Variants in PTPMT1 observed in about 807,000 individuals in gnomAD.
PTPMT1 encodes the protein protein tyrosine phosphatase mitochondrial 1, also known as phosphatidylglycerophosphatase and protein-tyrosine phosphatase 1.
PTPMT1 carries 12 observed loss-of-function variants against 17.8 expected under a neutral mutation model. That is an observed-to-expected ratio of 0.67 (90% CI 0.43 to 1.09). PTPMT1 has a LOEUF of 1.09. Among genes scored for constraint, PTPMT1 ranks in the 50% least tolerant of loss-of-function variants. The pLI is 0.00. For synonymous variants in PTPMT1, 132 were observed against 116.8 expected (o/e 1.13, Z -0.84); for missense variants, 262 against 266.0 (o/e 0.99, Z 0.10).
At chr11:47,569,595 C>A in intron 2 of PTPMT1, 105 bp from the exon 3 acceptor site, 2 of 827,216 alleles carry the variant, frequency 2.4e-6, no homozygotes, top group Non-Finnish European at 3.8e-6. Context: ...TTGTAGTAAA[C>A]CCTGAAACTT....
chr11:47,573,100 C>T lies in PTPMT1; in HGVS notation c.*1471C>T. 1 of 1,614,164 alleles carries T rather than the reference C, an allele frequency of 6.2e-7. No individual in the cohort carries two copies. The highest frequency in any genetic ancestry group is 1.1e-5 in the South Asian group (1 of 91,076). ...CTGGCAATCTTCCAGAGGGATGGGGCAGAGCTCCAGGCCTCAGGAAGGCAA... is the reference window on the plus strand; with the variant it reads ...CTGGCAATCTTCCAGAGGGATGGGGTAGAGCTCCAGGCCTCAGGAAGGCAA... On this transcript the variant is annotated 3_prime_UTR_variant, in exon 4 of 4. Transcript: ENST00000326674. The surrounding 1 kb of genome is among the most constrained non-coding windows in gnomAD (Gnocchi z 4.1).
In PTPMT1 at chr11:47,571,560, TA is replaced by T. The variant is rs759031580; in HGVS notation, c.540del (p.Glu181SerfsTer35). 1.5e-5 allele frequency: 24 copies of T among 1,613,948 alleles called. No individual in the cohort carries two copies. The highest frequency in any genetic ancestry group is 3.3e-5 in the Admixed American group (2 of 59,960). On this transcript the variant is annotated frameshift_variant, in exon 4 of 4. Transcript: ENST00000326674. LOFTEE classifies it low-confidence loss of function (END_TRUNC). ...HIRPGQLDVL[K>X]EFHKQITARA... is the part of the protein sequence containing the mutation. ...TCAGGCCTGGCCAGCTGGATGTTCT[TA>T]AAGAGTTCCACAAGCAGATTACTGC...
intron 2 of PTPMT1, among the ~76,000 whole-genome samples, chr11:47,566,203 C>T (rs2097243902): frequency 6.6e-6 from 1 of 152,118 alleles, no homozygotes; most frequent in Admixed American, 6.6e-5. Flanking sequence ...GGGCCGGGCG[C>T]GGGGACTCAC....
intron 2 of PTPMT1, among the ~76,000 whole-genome samples, chr11:47,569,203 T>G (rs555370503): frequency 6.6e-6 from 1 of 151,446 alleles, no homozygotes; most frequent in South Asian, 2.1e-4. Context: ...CTGGCCAACA[T>G]GATGAAACCC....
chr11:47,571,648 A>C lies in PTPMT1; in HGVS notation c.*19A>C. On this transcript the variant is annotated 3_prime_UTR_variant, in exon 4 of 4. Transcript: ENST00000326674. Reference sequence around the variant, plus strand: ...GACATGATGTATGGGGATTAGAAAGAACTCAAGACACTCCTGCTTGATACA... The same window carrying C: ...GACATGATGTATGGGGATTAGAAAGCACTCAAGACACTCCTGCTTGATACA... 1.2e-6 allele frequency: 2 copies of C among 1,612,720 alleles called. No homozygotes were observed. The highest frequency in any genetic ancestry group is 2.2e-5 in the South Asian group (2 of 90,994).
At chr11:47,570,226 T>C (rs1437300597) in intron 3 of PTPMT1, among the ~76,000 whole-genome samples, 1 of 151,684 alleles carries the variant, frequency 6.6e-6, no homozygotes, top group Non-Finnish European at 1.5e-5. Context: ...CTGGTCCCAT[T>C]TATAGCAGAT....
chr11:47,571,718 T>G lies in PTPMT1; in HGVS notation c.*89T>G. 1 of 1,263,906 alleles carries G rather than the reference T, an allele frequency of 7.9e-7. No individual in the cohort carries two copies. Among genetic ancestry groups the G allele is most frequent in the Non-Finnish European group, 1.1e-6 (1 of 898,778 alleles). 78.3% of individuals were successfully genotyped at this position (1,263,906 alleles called of 1,614,324 possible). On this transcript the variant is annotated 3_prime_UTR_variant, in exon 4 of 4. Coordinates refer to ENST00000326674, the MANE Select transcript of PTPMT1 (RefSeq NM_175732.3). The stretch of plus-strand genomic sequence containing the variant: ...GGACCAACAGGGCTTAAGCCCAGAC[T>G]TGACGTAACAGAAATGTGCCAATAG...
chr11:47,570,748 C>T (rs1028704029), intron 3 of PTPMT1, among the ~76,000 whole-genome samples: 1 of 152,072 alleles, frequency 6.6e-6, no homozygotes, highest in Non-Finnish European at 1.5e-5. Flanking sequence ...AAACAAATAC[C>T]CTGTAGTCCA....
chr11:47,571,347 G>A (rs2097249549), intron 3 of PTPMT1, 124 bp from the exon 4 acceptor site: 1 of 762,280 alleles, frequency 1.3e-6, no homozygotes, highest in Admixed American at 2.9e-5. Flanking sequence ...GATTTTTAAT[G>A]CCTGCAAAAT....
intron 2 of PTPMT1, among the ~76,000 whole-genome samples, chr11:47,567,193 G>A (rs2097245863): frequency 1.3e-5 from 2 of 152,188 alleles, no homozygotes; most frequent in South Asian, 4.1e-4. Flanking sequence ...CCTGAGGTCA[G>A]GAGTTTGAGA....
At chr11:47,571,148 C>T (rs746314747) in intron 3 of PTPMT1, among the ~76,000 whole-genome samples, 35 of 152,230 alleles carry the variant, frequency 2.3e-4, no homozygotes, top group Non-Finnish European at 3.1e-4. Flanking sequence ...TCGGAGAGGA[C>T]GTGGAGTAGG....
chr11:47,567,769 A>G (rs182184621), intron 2 of PTPMT1, among the ~76,000 whole-genome samples: 104 of 151,518 alleles, frequency 6.9e-4, no homozygotes, highest in South Asian at 1.7e-3. Flanking sequence ...CATGCTGGCC[A>G]AAGTCGTCTC....
chr11:47,565,961 C>G lies in PTPMT1; in HGVS notation c.230C>G (p.Thr77Arg), dbSNP rs1006798726. Residue 77 changes from threonine (T) to arginine (R), a missense_variant, in exon 2 of 4, where the codon ACG (threonine) becomes AGG (arginine). Thr to Arg is a moderately conservative substitution (Grantham distance 71). Coordinates refer to ENST00000326674, the MANE Select transcript of PTPMT1 (RefSeq NM_175732.3). ...GVITMNEEYE[T>R]RFLCNSSQEW... ...ATCACCATGAACGAGGAGTACGAGA[C>G]GAGGTTCCTGTGCAACTCTTCACAG... 11 of 1,601,872 alleles carry G rather than the reference C, an allele frequency of 6.9e-6. No homozygotes were observed. The South Asian group carries it at 1.2e-4, about 18-fold the overall frequency.
chr11:47,572,911 T>C lies in PTPMT1; in HGVS notation c.*1282T>C. The C allele has an allele frequency of 6.3e-7, 1 of 1,598,994 alleles. No individual in the cohort carries two copies. Among genetic ancestry groups the C allele is most frequent in the Non-Finnish European group, 8.5e-7 (1 of 1,170,406 alleles). Reference sequence around the variant, plus strand: ...GGGAGGGAAAAGGAGTGAGCAGTTCTCCTCCCCTCCCCACAGCCTTAGGCC... The same window carrying C: ...GGGAGGGAAAAGGAGTGAGCAGTTCCCCTCCCCTCCCCACAGCCTTAGGCC... On this transcript the variant is annotated 3_prime_UTR_variant, in exon 4 of 4. Transcript: ENST00000326674.
At chr11:47,566,123 T>G in intron 2 of PTPMT1, 137 bp downstream of exon 2, 8 of 960,456 alleles carry the variant, frequency 8.3e-6, no homozygotes, top group Non-Finnish European at 1.0e-5. Context: ...TTGCCTCCGG[T>G]CTGTGCCTCT....
In PTPMT1 at chr11:47,569,783, G is replaced by A; in HGVS notation, c.339G>A (p.Lys113=). The part of the protein sequence containing the change: ...TGIPTLDNLQ[K]GVQFALKYQS... ...TCCCCACCTTGGACAACCTCCAGAA[G>A]GGAGTCCAATTTGCTCTCAAGTACC... The change falls in exon 3 of 4, where the codon AAG becomes AAA. Residue 113 remains lysine, a synonymous_variant. Coordinates refer to ENST00000326674, the MANE Select transcript of PTPMT1 (RefSeq NM_175732.3). 1 of 1,614,134 alleles carries A rather than the reference G, an allele frequency of 6.2e-7. No individual in the cohort carries two copies. The highest frequency in any genetic ancestry group is 8.5e-7 in the Non-Finnish European group (1 of 1,180,016).
chr11:47,571,069 G>A (rs191773315), intron 3 of PTPMT1, among the ~76,000 whole-genome samples: 6 of 152,264 alleles, frequency 3.9e-5, no homozygotes, highest in Middle Eastern at 3.4e-3. Flanking sequence ...TTCTAGCCAT[G>A]GTGACAAGTT....
At chr11:47,567,562 T>TC (rs1248554697) in intron 2 of PTPMT1, among the ~76,000 whole-genome samples, 6 of 141,706 alleles carry the variant, frequency 4.2e-5, no homozygotes, top group South Asian at 2.4e-4. Context: ...TTCTTTTCTT[T>TC]TTTTTTTTTT....
intron 2 of PTPMT1, among the ~76,000 whole-genome samples, chr11:47,569,386 T>TA (rs55868744): frequency 5.3e-5 from 6 of 112,756 alleles, no homozygotes; most frequent in African/African-American, 6.8e-5. Flanking sequence ...ACTCTGTCTT[T>TA]AAAAAAAAAA....
Sources: gnomAD v4.1 joint callset for allele counts (sites outside exome capture counted in the v4.1 genomes callset) on GRCh38, gnomAD v4.1.1 for gene constraint, Gnocchi (gnomAD v3.1) non-coding constraint, MANE v1.5 for transcripts, NCBI Gene and HGNC (gene_info 2026-07-23, HGNC 2026-07-21) for gene names.